ROBO2: variants seen among roughly 807,000 people sequenced by gnomAD.
The protein encoded by ROBO2 is roundabout guidance receptor 2.
Under a neutral mutation model 160.8 loss-of-function variants are expected in ROBO2, and 53 were observed. The observed-to-expected ratio is 0.33, with a 90% CI of 0.26 to 0.41. ROBO2 has a LOEUF of 0.41. Ranked by LOEUF, ROBO2 falls within the 10% of genes least tolerant of loss-of-function variation. ROBO2 has a pLI of 1.00. For synonymous variants in ROBO2, 664 were observed against 611.7 expected, an observed-to-expected ratio of 1.09 and a Z score of -1.26; for missense variants, 1,577 against 1,722.4, an observed-to-expected ratio of 0.92 and a Z score of 1.49.
chr3:77,342,737 A>G (rs369982728), intron 2 of ROBO2, among the ~76,000 whole-genome samples: 3 of 152,064 alleles, frequency 2.0e-5, no homozygotes, highest in African/African-American at 7.2e-5. Context: ...CACACACATT[A>G]TATTCTCATT....
At chr3:76,568,079 T>G (rs1173478242) in intron 2 of ROBO2, among the ~76,000 whole-genome samples, 2 of 151,778 alleles carry the variant, frequency 1.3e-5, no homozygotes, top group Non-Finnish European at 2.9e-5. Flanking sequence ...CCTACCAAAG[T>G]GCTGGGATTG....
intron 6 of ROBO2, among the ~76,000 whole-genome samples, chr3:77,527,967 G>A (rs2153632269): frequency 6.6e-6 from 1 of 151,670 alleles, no homozygotes; most frequent in African/African-American, 2.4e-5. Context: ...GAGGGATAGT[G>A]GAGCTGTGTT....
At chr3:77,016,464 C>G (rs2062264920) in intron 2 of ROBO2, among the ~76,000 whole-genome samples, 1 of 152,042 alleles carries the variant, frequency 6.6e-6, no homozygotes, top group South Asian at 2.1e-4. Flanking sequence ...TTGAAGACCC[C>G]CTGCCACCAA....
intron 2 of ROBO2, among the ~76,000 whole-genome samples, chr3:76,535,759 A>G (rs1422593570): frequency 6.6e-6 from 1 of 152,166 alleles, no homozygotes; most frequent in Non-Finnish European, 1.5e-5. Flanking sequence ...TTATGGGGGC[A>G]ATGGAAACAG....
chr3:76,892,683 T>TATTCG (rs2074441674), intron 2 of ROBO2, among the ~76,000 whole-genome samples: 1 of 152,202 alleles, frequency 6.6e-6, no homozygotes, highest in South Asian at 2.1e-4. Context: ...TCATCTATTC[T>TATTCG]TCACCTGAAT....
intron 2 of ROBO2, among the ~76,000 whole-genome samples, chr3:76,036,692 C>G (rs928387553): frequency 2.1e-5 from 3 of 144,220 alleles, no homozygotes; most frequent in Non-Finnish European, 4.6e-5. Flanking sequence ...TTAGTAGAGA[C>G]GGGATTTCTC....
chr3:76,745,493 G>A lies in ROBO2; in HGVS notation c.110-352521G>A, dbSNP rs577055518. ...AGTTTTTTCTTCCCAGATTGAAGGTGAGAGAACAATTTGTCTGTATGCTTT... is the reference window on the plus strand; with the variant it reads ...AGTTTTTTCTTCCCAGATTGAAGGTAAGAGAACAATTTGTCTGTATGCTTT... On this transcript the variant is annotated intron_variant, in intron 2 of 26. Transcript: ENST00000487694. 3.9e-5 allele frequency among the ~76,000 whole-genome samples: 6 copies of A among 152,250 alleles called. No individual in the cohort carries two copies. In the East Asian group the frequency reaches 1.2e-3, roughly 29 times the overall value.
intron 19 of ROBO2, among the ~76,000 whole-genome samples, 174 bp downstream of exon 20, chr3:77,596,924 A>G (rs1288361501): frequency 6.6e-6 from 1 of 152,092 alleles, no homozygotes; most frequent in Middle Eastern, 3.2e-3. Context: ...TTAATATAAA[A>G]CGATTGTATC....
rs569796924 is a variant in ROBO2 at position 76,256,784 on chromosome 3, T to A, written c.109+319182T>A. On this transcript the variant is annotated intron_variant, in intron 2 of 26. Coordinates refer to the ROBO2 transcript ENST00000487694. Reference sequence around the variant, plus strand: ...AATTTATAAGAAAAAGAGATTTAATTGGCTCATGGTTCTGCAGGCTTCATA... The same window carrying A: ...AATTTATAAGAAAAAGAGATTTAATAGGCTCATGGTTCTGCAGGCTTCATA... 4.6e-5 allele frequency among the ~76,000 whole-genome samples: 7 copies of A among 152,102 alleles called. No individual in the cohort carries two copies. The East Asian group carries it at 1.4e-3, about 29-fold the overall frequency.
chr3:75,952,034 C>T (rs999591332), intron 2 of ROBO2, among the ~76,000 whole-genome samples: 2 of 151,880 alleles, frequency 1.3e-5, no homozygotes, highest in African/African-American at 2.4e-5. Context: ...TGATAACTGC[C>T]AAGGACAGCA....
intron 2 of ROBO2, among the ~76,000 whole-genome samples, chr3:76,001,394 T>C (rs2065882866): frequency 6.6e-6 from 1 of 152,238 alleles, no homozygotes; most frequent in South Asian, 2.1e-4. Flanking sequence ...CAACACACTT[T>C]CAAGTTTCTC....
At chr3:76,488,416 T>A (rs1001822116) in intron 2 of ROBO2, among the ~76,000 whole-genome samples, 6 of 151,992 alleles carry the variant, frequency 3.9e-5, no homozygotes, top group Non-Finnish European at 5.9e-5. Context: ...AGAGAAGACC[T>A]GCCATTGCCT....
intron 2 of ROBO2, among the ~76,000 whole-genome samples, chr3:75,943,968 T>TG (rs1948167704): frequency 6.6e-6 from 1 of 152,144 alleles, no homozygotes; most frequent in Admixed American, 6.5e-5. Context: ...CCCAAAGTGC[T>TG]GGGATTTCAA....
At chr3:76,538,835 T>C (rs1283401867) in intron 2 of ROBO2, among the ~76,000 whole-genome samples, 2 of 152,194 alleles carry the variant, frequency 1.3e-5, no homozygotes, top group African/African-American at 4.8e-5. Flanking sequence ...ATAAGTGACA[T>C]CATGCAGTAT....
exon 21 of ROBO2, chr3:77,607,827 A>G (rs751986537): frequency 1.9e-6 from 3 of 1,614,026 alleles, no homozygotes; most frequent in Non-Finnish European, 2.5e-6. Flanking sequence ...GAAGAAAAAT[A>G]AAAACTCTTC....
chr3:76,035,994 C>CT lies in ROBO2; in HGVS notation c.109+98400dup, dbSNP rs560239448. ...TTACTTCCTTCAAAGTTATTTTCCT[C>CT]TTTTTTTTAACTTACATTTCTAAAG... is the stretch of plus-strand genomic sequence containing the variant. On this transcript the variant is annotated intron_variant, in intron 2 of 26. Coordinates refer to the ROBO2 transcript ENST00000487694. 8.6e-4 allele frequency among the ~76,000 whole-genome samples: 131 copies of CT among 151,814 alleles called. 2 individuals are homozygous for CT. Among genetic ancestry groups the CT allele is most frequent in the African/African-American group, 3.0e-3 (124 of 41,234 alleles).
intron 2 of ROBO2, among the ~76,000 whole-genome samples, chr3:77,437,400 C>T (rs748025973): frequency 6.6e-6 from 1 of 151,734 alleles, no homozygotes; most frequent in Non-Finnish European, 1.5e-5. Context: ...CTAGGGTTAC[C>T]TATTTAGGAT....
chr3:76,997,027 G>C (rs1430699800), intron 2 of ROBO2, among the ~76,000 whole-genome samples: 1 of 152,054 alleles, frequency 6.6e-6, no homozygotes, highest in South Asian at 2.1e-4. Flanking sequence ...GTGTGTGCTA[G>C]ATATTTAATT....
At chr3:77,559,553 T>A (rs553067675) in intron 9 of ROBO2, among the ~76,000 whole-genome samples, 1 of 152,070 alleles carries the variant, frequency 6.6e-6, no homozygotes, top group Non-Finnish European at 1.5e-5. Flanking sequence ...AGAGCCAAGA[T>A]GAAGAAAAAC....
Sources: allele counts gnomAD v4.1 joint callset (sites outside exome capture counted in the v4.1 genomes callset), GRCh38; gene constraint gnomAD v4.1.1; transcripts MANE v1.5; gene names NCBI Gene and HGNC (gene_info 2026-07-23, HGNC 2026-07-21).